The following DDX43 variants were observed in gnomAD, a reference collection of about 807,000 sequenced individuals.
DDX43 encodes the protein DEAD-box helicase 43, also known as probable ATP-dependent RNA helicase DDX43.
A neutral mutation model predicts 84.9 loss-of-function variants in DDX43; 50 were observed. The ratio of observed to expected loss-of-function variants is 0.59; its 90% CI spans 0.47 to 0.75. The LOEUF (loss-of-function observed/expected upper bound fraction) is 0.75. Among genes scored for constraint, DDX43 ranks in the 30% least tolerant of loss-of-function variants. DDX43 has a pLI of 0.00. For synonymous variants in DDX43, 291 were observed against 266.3 expected (o/e 1.09, Z -0.90); for missense variants, 689 against 798.6 (o/e 0.86, Z 1.65).
chr6:73,408,547 C>T (rs936435220), intron 9 of DDX43, among the ~76,000 whole-genome samples: 1 of 151,858 alleles, frequency 6.6e-6, no homozygotes, highest in Non-Finnish European at 1.5e-5. Flanking sequence ...GAATGGCTGT[C>T]GATTTTATTT....
At chr6:73,403,234 C>T (rs1376329076) in intron 4 of DDX43, among the ~76,000 whole-genome samples, 3 of 152,170 alleles carry the variant, frequency 2.0e-5, no homozygotes, top group East Asian at 1.9e-4. Flanking sequence ...TTTGGGAGGC[C>T]GAGGCTGGTG....
intron 9 of DDX43, 37 bp from the exon 10 acceptor site, chr6:73,409,211 A>G (rs773047682): frequency 6.7e-7 from 1 of 1,491,402 alleles, no homozygotes; most frequent in Non-Finnish European, 9.4e-7. Flanking sequence ...CCTGCCTCCC[A>G]TATCTAATCT....
rs1175181858 is a variant in DDX43, at chr6:73,395,060, G to C, written c.155G>C (p.Arg52Thr). 1 of 1,613,576 alleles carries C rather than the reference G, an allele frequency of 6.2e-7. No individual in the cohort carries two copies. The highest frequency in any genetic ancestry group is 1.7e-5 in the Admixed American group (1 of 59,974). Residue 52 changes from arginine (R) to threonine (T), a missense_variant, in exon 1 of 17, where the codon AGA (arginine) becomes ACA (threonine). Physicochemically the swap from Arg to Thr is moderately conservative, Grantham distance 71. Around this residue, in one of 2 missense-constraint regions of DDX43, gnomAD observed 137 missense variants for 105.9 expected, o/e 1.29. Coordinates refer to ENST00000370336, the MANE Select transcript of DDX43 (RefSeq NM_018665.3). ...GYSVGRGGRW[R>T]GTSRPPEAVA... ...AGTGTCGGCAGAGGTGGTCGCTGGA[G>C]AGGCACCTCTAGGCCCCCGGAGGCC...
intron 2 of DDX43, among the ~76,000 whole-genome samples, chr6:73,399,096 T>C (rs1418201550): frequency 6.6e-6 from 1 of 151,940 alleles, no homozygotes; most frequent in Admixed American, 6.6e-5. Context: ...CAGGTGCCCT[T>C]CCAGCTCACC....
chr6:73,401,527 G>C (rs1769569017), intron 3 of DDX43, among the ~76,000 whole-genome samples: 1 of 152,104 alleles, frequency 6.6e-6, no homozygotes, highest in Non-Finnish European at 1.5e-5. Context: ...TAGAGGCCAG[G>C]CATGGTGGCT....
At chr6:73,414,423 GT>G in intron 13 of DDX43, 124 bp from the exon 14 acceptor site, 1 of 891,204 alleles carries the variant, frequency 1.1e-6, no homozygotes, top group East Asian at 2.6e-5. Context: ...TTTTCACAAA[GT>G]AAGCATTTTA....
In DDX43 at chr6:73,400,294, A is replaced by G. The variant is rs1769541529; in HGVS notation, c.367A>G (p.Lys123Glu). The change falls in exon 3 of 17, where the codon AAA (lysine) becomes GAA (glutamate). Residue 123 changes from lysine to glutamate, a missense_variant. Transcript: ENST00000370336. ...KIFGSKAMQT[K>E]AKAVIDNFVK... The stretch of plus-strand genomic sequence containing the variant: ...TTTTGGCAGCAAGGCAATGCAAACG[A>G]AAGCAAAAGCAGTGATAGACAATTT... 6.2e-7 allele frequency: 1 copy of G among 1,611,074 alleles called. No individual in the cohort carries two copies.
intron 7 of DDX43, among the ~76,000 whole-genome samples, 193 bp downstream of exon 7, chr6:73,406,675 G>C (rs1769689931): frequency 6.6e-6 from 1 of 152,168 alleles, no homozygotes; most frequent in African/African-American, 2.4e-5. Flanking sequence ...GAGGCAATAG[G>C]TAATATCTAC....
At chr6:73,412,678 C>CGCGT (rs143068937) in intron 11 of DDX43, among the ~76,000 whole-genome samples, 1,022 of 76,432 alleles carry the variant, frequency 0.013, 38 homozygotes, top group Middle Eastern at 0.085. Context: ...TGCGCGCGCG[C>CGCGT]GTGTGTGTGT....
chr6:73,416,071 A>G (rs757775187), intron 15 of DDX43, 42 bp from the exon 16 acceptor site: 9 of 1,055,112 alleles, frequency 8.5e-6, no homozygotes, highest in Non-Finnish European at 1.3e-5. Flanking sequence ...TGTTGTAGAA[A>G]AGAACTCAGA....
chr6:73,403,900 C>G (rs1769624518), intron 4 of DDX43, among the ~76,000 whole-genome samples: 1 of 151,740 alleles, frequency 6.6e-6, no homozygotes, highest in Non-Finnish European at 1.5e-5. Flanking sequence ...ACACTGCAAC[C>G]TCTGCCTCCT....
intron 2 of DDX43, 57 bp downstream of exon 2, chr6:73,397,801 A>G: frequency 6.8e-7 from 1 of 1,464,370 alleles, no homozygotes; most frequent in Non-Finnish European, 9.6e-7. Context: ...CTAAGGGAGC[A>G]CCTAACTCTA....
intron 4 of DDX43, 95 bp downstream of exon 4, chr6:73,402,085 A>T (rs1769586501): frequency 2.0e-6 from 3 of 1,481,676 alleles, no homozygotes; most frequent in Non-Finnish European, 2.8e-6. Context: ...TAGTAATGAA[A>T]TGTATATGAA....
rs556560392 is a variant in DDX43, at chr6:73,396,024, G to A, written c.250+869G>A. 2.0e-5 allele frequency among the ~76,000 whole-genome samples: 3 copies of A among 150,246 alleles called. No individual in the cohort carries two copies. The East Asian group carries it at 5.9e-4, about 29-fold the overall frequency. ...GGCCCCAGCTGGAGTGCAGTGTGGC[G>A]TGATCTCGGCTCACTACAACTTCCA... On this transcript the variant is annotated intron_variant, in intron 1 of 16. Transcript: ENST00000370336.
At chr6:73,403,190 C>A (rs1190953646) in intron 4 of DDX43, among the ~76,000 whole-genome samples, 1 of 152,066 alleles carries the variant, frequency 6.6e-6, no homozygotes, top group Admixed American at 6.6e-5. Context: ...GTAGTTAGGC[C>A]GGGCCCAGTG....
chr6:73,416,146 A>C lies in DDX43; in HGVS notation c.1867A>C (p.Arg623=). 1 of 1,585,340 alleles carries C rather than the reference A, an allele frequency of 6.3e-7. No homozygotes were observed. The highest frequency in any genetic ancestry group is 2.2e-5 in the East Asian group (1 of 44,702). The change falls in exon 16 of 17, where the codon AGG becomes CGG. Residue 623 remains arginine, a synonymous_variant. Coordinates refer to ENST00000370336, the MANE Select transcript of DDX43 (RefSeq NM_018665.3). ...AGAGGAGCTTGTATCAATGGCTGAG[A>C]GGTTTAAGGCACATCAACAGAAAAG... is the stretch of plus-strand genomic sequence containing the variant. ...IPEELVSMAE[R]FKAHQQKREM...
rs191897565 is a variant in DDX43, at chr6:73,413,941, A to G, written c.1497-29A>G. On this transcript the variant is annotated intron_variant, in intron 12 of 16. Coordinates refer to ENST00000370336, the MANE Select transcript of DDX43 (RefSeq NM_018665.3). ...ACTGGTGGCATTAGAATAAGCACCT[A>G]AGAATGCTGAGTTTATCTTTTGCTT... 1.2e-4 allele frequency: 190 copies of G among 1,564,942 alleles called. No individual in the cohort carries two copies. The African/African-American group carries it at 1.3e-3, about 11-fold the overall frequency.
intron 14 of DDX43, 38 bp downstream of exon 14, chr6:73,414,724 A>T: frequency 6.4e-7 from 1 of 1,573,592 alleles, no homozygotes; most frequent in Non-Finnish European, 8.6e-7. Flanking sequence ...GGCCAATTCT[A>T]GATTCTCCTT....
At position 73,409,357 on chromosome 6, in the gene DDX43, A is replaced by T; in HGVS notation, c.1280+9A>T. On this transcript the variant is annotated intron_variant, in intron 10 of 16. Coordinates refer to ENST00000370336, the MANE Select transcript of DDX43 (RefSeq NM_018665.3). ...CAGACAGTTATGACCAGGTACGTATATGCTTAATTACTGTGTGCAGAATAG... is the reference window on the plus strand; with the variant it reads ...CAGACAGTTATGACCAGGTACGTATTTGCTTAATTACTGTGTGCAGAATAG... 2 of 1,584,800 alleles carry T rather than the reference A, an allele frequency of 1.3e-6. No homozygotes were observed. Among genetic ancestry groups the T allele is most frequent in the Non-Finnish European group, 1.7e-6 (2 of 1,153,424 alleles).
Sources: allele counts gnomAD v4.1 joint callset (sites outside exome capture counted in the v4.1 genomes callset), GRCh38; gene constraint gnomAD v4.1.1; regional missense constraint gnomAD v4.1.1; transcripts MANE v1.5; gene names NCBI Gene and HGNC (gene_info 2026-07-23, HGNC 2026-07-21).